MCOLN1: variants seen among roughly 807,000 people sequenced by gnomAD.
The protein encoded by MCOLN1 is mucolipin TRP cation channel 1.
MCOLN1 carries 50 observed loss-of-function variants against 70.3 expected under a neutral mutation model. The observed-to-expected ratio is 0.71, with a 90% CI of 0.57 to 0.90. MCOLN1 has a LOEUF of 0.90. Among genes scored for constraint, MCOLN1 ranks in the 40% least tolerant of loss-of-function variants. The probability of loss-of-function intolerance (pLI) is 0.00; values close to 1 mark genes in which losing one functional copy is unlikely to be tolerated. For missense variants in MCOLN1, 598 were observed against 803.5 expected (o/e 0.74, Z 3.09); for synonymous variants, 366 against 341.0 (o/e 1.07, Z -0.81).
intron 12 of MCOLN1, 55 bp from the exon 13 acceptor site, chr19:7,533,468 G>A (rs2022696401): frequency 1.2e-6 from 2 of 1,604,730 alleles, no homozygotes; most frequent in Non-Finnish European, 1.7e-6. Flanking sequence ...GGACTTCAAG[G>A]GCCTTGGAGG....
rs1481005435 is a variant in MCOLN1, at chr19:7,526,950, A to G, written c.571+24A>G. ...TGGTGAGTGGGCAGGACGAGGCTTC[A>G]CTGTTGGGAGCCTGAGCTGCTGGGA... On this transcript the variant is annotated intron_variant, in intron 4 of 13. Transcript: ENST00000264079. The surrounding 1 kb of genome is among the most constrained non-coding windows in gnomAD (Gnocchi z 4.6). 1.9e-6 allele frequency: 3 copies of G among 1,613,832 alleles called. No individual in the cohort carries two copies. Among genetic ancestry groups the G allele is most frequent in the Admixed American group, 3.3e-5 (2 of 60,012 alleles).
At chr19:7,530,727 C>T (rs1202332530) in intron 12 of MCOLN1, among the ~76,000 whole-genome samples, 4 of 152,138 alleles carry the variant, frequency 2.6e-5, no homozygotes, top group African/African-American at 9.7e-5. Flanking sequence ...ACAGGGCAAC[C>T]GAGTCATAGA....
chr19:7,529,612 T>C lies in MCOLN1; in HGVS notation c.1259T>C (p.Val420Ala). The C allele has an allele frequency of 1.9e-6, 3 of 1,573,314 alleles. No individual in the cohort carries two copies. The highest frequency in any genetic ancestry group is 2.6e-6 in the Non-Finnish European group (3 of 1,154,870). ...CAGATCCTCATCGCCACACTGCGGGTGGCCCTGCCCAGCGTCATGCGCTTC... is the reference window on the plus strand; with the variant it reads ...CAGATCCTCATCGCCACACTGCGGGCGGCCCTGCCCAGCGTCATGCGCTTC... ...NYNILIATLR[V>A]ALPSVMRFCC... The change falls in exon 11 of 14, where the codon GTG becomes GCG. Residue 420 changes from valine to alanine, a missense_variant. Physicochemically the swap from Val to Ala is moderately conservative, Grantham distance 64. This residue lies in a region of MCOLN1 where 461 missense variants were observed against 588.4 expected (regional missense o/e 0.78). Coordinates refer to ENST00000264079, the MANE Select transcript of MCOLN1 (RefSeq NM_020533.3).
rs374179113 is a variant in MCOLN1, at chr19:7,528,142, C to T, written c.778-16C>T. The T allele has an allele frequency of 2.4e-5, 39 of 1,613,540 alleles. No homozygotes were observed. In the African/African-American group the frequency reaches 5.1e-4, roughly 21 times the overall value. Reference sequence around the variant, plus strand: ...GGGCTGCCAAGGTTTACTCTGCCCCCAACTGGCCCCCACAGATCACGTTTG... The same window carrying T: ...GGGCTGCCAAGGTTTACTCTGCCCCTAACTGGCCCCCACAGATCACGTTTG... On this transcript the variant is annotated splice_polypyrimidine_tract_variant and intron_variant, in intron 6 of 13. Coordinates refer to ENST00000264079, the MANE Select transcript of MCOLN1 (RefSeq NM_020533.3). The surrounding 1 kb of genome is among the most constrained non-coding windows in gnomAD (Gnocchi z 4.2).
chr19:7,526,504 C>T lies in MCOLN1; in HGVS notation c.303C>T (p.Phe101=), dbSNP rs1444483937. 3.1e-6 allele frequency: 5 copies of T among 1,614,148 alleles called. No homozygotes were observed. The highest frequency in any genetic ancestry group is 4.2e-6 in the Non-Finnish European group (5 of 1,180,056). ...TCCGGGAAGAGAACACCATCGCCTT[C>T]CGACACCTCTTCCTGCTGGGCTACT... The part of the protein sequence containing the change: ...VTFREENTIA[F]RHLFLLGYSD... Residue 101 remains phenylalanine (F), a synonymous_variant, in exon 3 of 14, where the codon TTC becomes TTT. Coordinates refer to ENST00000264079, the MANE Select transcript of MCOLN1 (RefSeq NM_020533.3). This position sits in a 1 kb window ranked among gnomAD's most constrained non-coding sequence, Gnocchi z 4.6.
At position 7,525,193 on chromosome 19, in the gene MCOLN1, G is replaced by T. The variant is rs369657413; in HGVS notation, c.237+27G>T. ...TGAGGCCAGCCAAGCAGGGGCCCCA[G>T]CTGAAGGCCACCTGTGGCTGCTGTG... On this transcript the variant is annotated intron_variant, in intron 2 of 13. Transcript: ENST00000264079. This position sits in a 1 kb window ranked among gnomAD's most constrained non-coding sequence, Gnocchi z 4.2. 8 of 1,604,642 alleles carry T rather than the reference G, an allele frequency of 5.0e-6. No homozygotes were observed. The African/African-American group carries it at 9.4e-5, about 19-fold the overall frequency.
At position 7,528,581 on chromosome 19, in the gene MCOLN1, T is replaced by C. The variant is rs762014378; in HGVS notation, c.878-16T>C. ...CCATGCCATCCTTGGCCCTACCCGC[T>C]CTGCCCTCCCCGCAGGAGACAACAG... On this transcript the variant is annotated splice_polypyrimidine_tract_variant and intron_variant, in intron 7 of 13. Coordinates refer to ENST00000264079, the MANE Select transcript of MCOLN1 (RefSeq NM_020533.3). This position sits in a 1 kb window ranked among gnomAD's most constrained non-coding sequence, Gnocchi z 4.2. 2 of 1,613,994 alleles carry C rather than the reference T, an allele frequency of 1.2e-6. No homozygotes were observed. Among genetic ancestry groups the C allele is most frequent in the South Asian group, 1.1e-5 (1 of 91,078 alleles).
Position 7,526,291 on chromosome 19 carries a change from G to A in MCOLN1, c.238-148G>A, listed in dbSNP as rs1390723759. 9 of 881,402 alleles carry A rather than the reference G, an allele frequency of 1.0e-5. No individual in the cohort carries two copies. The highest frequency in any genetic ancestry group is 5.0e-5 in the African/African-American group (3 of 60,438). The allele number at this position is 881,402 out of a possible 1,614,324, so 54.6% of individuals were successfully genotyped here. On this transcript the variant is annotated intron_variant, in intron 2 of 13. Transcript: ENST00000264079. This position sits in a 1 kb window ranked among gnomAD's most constrained non-coding sequence, Gnocchi z 4.6. ...GCAAAGAAATGCACAAGTGAAATCC[G>A]TGTTTGTGGCCCAAGTTAGCAGGGC...
rs1198427136 is a variant in MCOLN1, at chr19:7,528,832, G to T, written c.996G>T (p.Gly332=). ...CCTGCCTTCTGCAGGAGTTTGTGGG[G>T]TTCATGTGGCGGCAGCGGGGACGGG... ...RGFLLQNEFV[G]FMWRQRGRVI... The change falls in exon 9 of 14, where the codon GGG becomes GGT. Residue 332 remains glycine, a synonymous_variant. Transcript: ENST00000264079. The surrounding 1 kb of genome is among the most constrained non-coding windows in gnomAD (Gnocchi z 4.2). 1.2e-6 allele frequency: 2 copies of T among 1,614,270 alleles called. No homozygotes were observed. Among genetic ancestry groups the T allele is most frequent in the Non-Finnish European group, 1.7e-6 (2 of 1,180,040 alleles).
At position 7,529,645 on chromosome 19, in the gene MCOLN1, G is replaced by A; in HGVS notation, c.1292G>A (p.Cys431Tyr). 2.5e-6 allele frequency: 4 copies of A among 1,614,208 alleles called. No homozygotes were observed. The highest frequency in any genetic ancestry group is 2.2e-5 in the East Asian group (1 of 44,874). ...CCCAGCGTCATGCGCTTCTGCTGCT[G>A]CGTGGCTGTCATCTACCTGGGCTAC... The part of the protein sequence containing the change: ...ALPSVMRFCC[C>Y]VAVIYLGYCF... Residue 431 changes from cysteine (C) to tyrosine (Y), a missense_variant, in exon 11 of 14, where the codon TGC becomes TAC. By Grantham distance (194) the Cys-to-Tyr change is radical. This residue lies in a region of MCOLN1 where 78 missense variants were observed against 156.2 expected (regional missense o/e 0.50). Coordinates refer to ENST00000264079, the MANE Select transcript of MCOLN1 (RefSeq NM_020533.3).
chr19:7,525,634 C>T lies in MCOLN1; in HGVS notation c.237+468C>T, dbSNP rs530108061. 6 of 212,314 alleles carry T rather than the reference C, an allele frequency of 2.8e-5. No individual in the cohort carries two copies. The highest frequency in any genetic ancestry group is 1.4e-4 in the African/African-American group (6 of 42,194). The allele number at this position is 212,314 out of a possible 1,614,324, so 13.2% of individuals were successfully genotyped here. ...CCCAATGGCTGCACAGATAGTTCTC[C>T]CTCCCCCATGCCAGACCCTGTGCTG... On this transcript the variant is annotated intron_variant, in intron 2 of 13. Transcript: ENST00000264079. The surrounding 1 kb of genome is among the most constrained non-coding windows in gnomAD (Gnocchi z 4.2).
intron 11 of MCOLN1, 66 bp downstream of exon 11, chr19:7,529,778 A>G: frequency 6.2e-7 from 1 of 1,600,328 alleles, no homozygotes; most frequent in Non-Finnish European, 8.6e-7. Flanking sequence ...TGTGACCCCC[A>G]GATGACCCCT....
Position 7,525,257 on chromosome 19 carries a change from C to T in MCOLN1, c.237+91C>T, listed in dbSNP as rs755793018. 103 of 1,210,822 alleles carry T rather than the reference C, an allele frequency of 8.5e-5. No homozygotes were observed. The highest frequency in any genetic ancestry group is 1.1e-4 in the Non-Finnish European group (91 of 831,190). 75.0% of individuals were successfully genotyped at this position (1,210,822 alleles called of 1,614,324 possible). On this transcript the variant is annotated intron_variant, in intron 2 of 13. Coordinates refer to ENST00000264079, the MANE Select transcript of MCOLN1 (RefSeq NM_020533.3). The surrounding 1 kb of genome is among the most constrained non-coding windows in gnomAD (Gnocchi z 4.2). ...GTCTTAAAGCAGCACTTTGGAAGGC[C>T]GAGGCCGGTGGATCGCTTGAGGCTG... is the stretch of plus-strand genomic sequence containing the variant.
At chr19:7,533,269 G>T in intron 12 of MCOLN1, 1 of 588,366 alleles carries the variant, frequency 1.7e-6, no homozygotes, top group East Asian at 2.8e-5. Flanking sequence ...CTGGCTCTAG[G>T]TCTGTAGGTG....
At position 7,528,631 on chromosome 19, in the gene MCOLN1, G is replaced by A. The variant is rs1206809630; in HGVS notation, c.912G>A (p.Val304=). Residue 304 remains valine (V), a synonymous_variant, in exon 8 of 14, where the codon GTG becomes GTA. Transcript: ENST00000264079. This position sits in a 1 kb window ranked among gnomAD's most constrained non-coding sequence, Gnocchi z 4.2. ...DNSFRLLFDV[V]VILTCSLSFL... is the part of the protein sequence containing the mutation. The stretch of plus-strand genomic sequence containing the variant: ...GCTTCCGGCTCCTGTTTGACGTGGT[G>A]GTCATCCTCACCTGCTCCCTGTCCT... The A allele has an allele frequency of 1.2e-6, 2 of 1,614,110 alleles. No homozygotes were observed. The highest frequency in any genetic ancestry group is 1.3e-5 in the African/African-American group (1 of 74,946).
chr19:7,528,506 C>A lies in MCOLN1; in HGVS notation c.878-91C>A. ...TGACCAACCAAAACCAGCCGTGCAGCCCCCTAGGTCTCCAGCCTGGCCTGG... is the reference window on the plus strand; with the variant it reads ...TGACCAACCAAAACCAGCCGTGCAGACCCCTAGGTCTCCAGCCTGGCCTGG... On this transcript the variant is annotated intron_variant, in intron 7 of 13. Coordinates refer to ENST00000264079, the MANE Select transcript of MCOLN1 (RefSeq NM_020533.3). The surrounding 1 kb of genome is among the most constrained non-coding windows in gnomAD (Gnocchi z 4.2). 2 of 1,543,184 alleles carry A rather than the reference C, an allele frequency of 1.3e-6. No individual in the cohort carries two copies. Among genetic ancestry groups the A allele is most frequent in the Non-Finnish European group, 1.8e-6 (2 of 1,129,980 alleles).
At chr19:7,530,694 G>C (rs2022643511) in intron 12 of MCOLN1, among the ~76,000 whole-genome samples, 193 bp downstream of exon 12, 1 of 152,204 alleles carries the variant, frequency 6.6e-6, no homozygotes. Flanking sequence ...GGGCCAGGAG[G>C]GGGCCTGAGT....
intron 12 of MCOLN1, among the ~76,000 whole-genome samples, chr19:7,532,475 A>AG (rs563220052): frequency 7.4e-6 from 1 of 135,436 alleles, no homozygotes; most frequent in Non-Finnish European, 1.6e-5. Context: ...TGGGAGGCCG[A>AG]GGGGGGGTGG....
chr19:7,523,313 C>A (rs1208180659), intron 1 of MCOLN1, among the ~76,000 whole-genome samples: 1 of 152,256 alleles, frequency 6.6e-6, no homozygotes, highest in African/African-American at 2.4e-5. Context: ...TCTGATGCCA[C>A]CCCTCCTCGG....
Sources: gnomAD v4.1 joint callset for allele counts (sites outside exome capture counted in the v4.1 genomes callset) on GRCh38, gnomAD v4.1.1 for gene constraint, gnomAD v4.1.1 regional missense constraint, Gnocchi (gnomAD v3.1) non-coding constraint, MANE v1.5 for transcripts, NCBI Gene and HGNC (gene_info 2026-07-23, HGNC 2026-07-21) for gene names.